Variants in HS3ST4 observed in about 807,000 individuals in gnomAD.
HS3ST4 encodes the protein heparan sulfate glucosamine 3-O-sulfotransferase 4.
In HS3ST4, 17 loss-of-function variants were observed where a neutral mutation model predicts 29.2. That is an observed-to-expected ratio of 0.58 (90% CI 0.40 to 0.87). The LOEUF is 0.87. Ranked by LOEUF, HS3ST4 falls within the 40% of genes least tolerant of loss-of-function variation. The pLI, the probability that HS3ST4 is intolerant of heterozygous loss-of-function variation, is 0.00. For synonymous variants in HS3ST4, 314 were observed against 285.7 expected (o/e 1.10, Z -1.00); for missense variants, 627 against 634.5 (o/e 0.99, Z 0.13).
chr16:26,104,102 G>GT (rs1899021429), intron 1 of HS3ST4, among the ~76,000 whole-genome samples: 1 of 152,172 alleles, frequency 6.6e-6, no homozygotes, highest in Non-Finnish European at 1.5e-5. Context: ...TAACCACTAG[G>GT]TGAGTTGCTG....
intron 1 of HS3ST4, among the ~76,000 whole-genome samples, chr16:25,897,479 C>G (rs536128820): frequency 6.6e-6 from 1 of 152,106 alleles, no homozygotes; most frequent in Non-Finnish European, 1.5e-5. Flanking sequence ...ATAAAATTGG[C>G]CCAAAGGGGC....
intron 1 of HS3ST4, among the ~76,000 whole-genome samples, chr16:26,086,947 C>G (rs1345665704): frequency 6.6e-6 from 1 of 152,184 alleles, no homozygotes; most frequent in Non-Finnish European, 1.5e-5. Context: ...GGGCTGTTGC[C>G]TTCTTTCTCT....
chr16:26,099,670 G>C (rs1898969279), intron 1 of HS3ST4, among the ~76,000 whole-genome samples: 1 of 152,124 alleles, frequency 6.6e-6, no homozygotes, highest in South Asian at 2.1e-4. Flanking sequence ...AATATGTACT[G>C]AGGGCCAAAT....
At chr16:25,977,491 A>G (rs1429166380) in intron 1 of HS3ST4, among the ~76,000 whole-genome samples, 3 of 152,224 alleles carry the variant, frequency 2.0e-5, no homozygotes. Flanking sequence ...GAAACAGTGA[A>G]TAATACAGAC....
chr16:26,098,237 T>C (rs530077177), intron 1 of HS3ST4, among the ~76,000 whole-genome samples: 5 of 152,350 alleles, frequency 3.3e-5, no homozygotes, highest in African/African-American at 1.2e-4. Flanking sequence ...TTACTCGGTA[T>C]ATACCCAAAG....
chr16:25,847,489 T>C (rs1157646070), intron 1 of HS3ST4, among the ~76,000 whole-genome samples: 2 of 152,202 alleles, frequency 1.3e-5, no homozygotes, highest in Non-Finnish European at 2.9e-5. Flanking sequence ...GTTTTGTTTG[T>C]TTTTGACTTG....
chr16:26,009,508 A>G (rs1596643196), intron 1 of HS3ST4, among the ~76,000 whole-genome samples: 1 of 152,204 alleles, frequency 6.6e-6, no homozygotes, highest in South Asian at 2.1e-4. Context: ...ATCCTCAAAT[A>G]CCAGTGACTT....
chr16:26,091,096 G>A (rs1468890989), intron 1 of HS3ST4, among the ~76,000 whole-genome samples: 4 of 152,116 alleles, frequency 2.6e-5, no homozygotes, highest in African/African-American at 9.7e-5. Flanking sequence ...GAACCACTAA[G>A]GTAGACCAAA....
chr16:25,842,901 C>G (rs1030427542), intron 1 of HS3ST4, among the ~76,000 whole-genome samples: 3 of 152,270 alleles, frequency 2.0e-5, no homozygotes, highest in Middle Eastern at 3.4e-3. Flanking sequence ...GGCAATAATA[C>G]TGGCTAACTC....
intron 1 of HS3ST4, among the ~76,000 whole-genome samples, chr16:25,950,482 T>C (rs1173899631): frequency 6.6e-6 from 1 of 152,082 alleles, no homozygotes; most frequent in Non-Finnish European, 1.5e-5. Flanking sequence ...GATGAATGGA[T>C]GGTCGGATGG....
intron 1 of HS3ST4, among the ~76,000 whole-genome samples, chr16:26,013,248 A>G (rs1051407909): frequency 6.6e-6 from 1 of 152,166 alleles, no homozygotes; most frequent in Non-Finnish European, 1.5e-5. Context: ...GTGGCAGAGT[A>G]GTTAGGGACA....
chr16:25,807,962 A>C (rs149518037), intron 1 of HS3ST4, among the ~76,000 whole-genome samples: 157 of 152,100 alleles, frequency 1.0e-3, no homozygotes, highest in African/African-American at 3.5e-3. Flanking sequence ...TGTCTTGCGT[A>C]TATTTTCTAT....
intron 1 of HS3ST4, among the ~76,000 whole-genome samples, chr16:25,762,452 G>A (rs1259756550): frequency 6.6e-6 from 1 of 152,190 alleles, no homozygotes; most frequent in Non-Finnish European, 1.5e-5. Context: ...TGGAGATGCT[G>A]TTACTTGCTA....
intron 1 of HS3ST4, among the ~76,000 whole-genome samples, chr16:26,028,518 T>C (rs1969500085): frequency 6.6e-6 from 1 of 152,184 alleles, no homozygotes; most frequent in Non-Finnish European, 1.5e-5. Flanking sequence ...TCTGAGGCGA[T>C]CCTCCTGCGT....
chr16:26,026,091 TAC>T (rs543638872), intron 1 of HS3ST4, among the ~76,000 whole-genome samples: 56 of 152,254 alleles, frequency 3.7e-4, no homozygotes, highest in African/African-American at 1.3e-3. Context: ...GTATTTTTAG[TAC>T]AGACAGGGTT....
chr16:26,119,454 C>T (rs943244237), intron 1 of HS3ST4, among the ~76,000 whole-genome samples: 1 of 152,104 alleles, frequency 6.6e-6, no homozygotes, highest in Non-Finnish European at 1.5e-5. Flanking sequence ...CTGCAGGGTG[C>T]GTAAGGAAAC....
chr16:25,923,652 G>A (rs533220744), intron 1 of HS3ST4, among the ~76,000 whole-genome samples: 1 of 152,292 alleles, frequency 6.6e-6, no homozygotes. Flanking sequence ...GTGTGAAAGA[G>A]AGTCTAGAAT....
chr16:25,842,558 A>T (rs913055654), intron 1 of HS3ST4, among the ~76,000 whole-genome samples: 3 of 152,180 alleles, frequency 2.0e-5, no homozygotes, highest in African/African-American at 7.2e-5. Context: ...CATGTTTTAG[A>T]TACCCAGTAA....
At chr16:25,954,572 C>T (rs1481684112) in intron 1 of HS3ST4, among the ~76,000 whole-genome samples, 1 of 152,138 alleles carries the variant, frequency 6.6e-6, no homozygotes, top group Non-Finnish European at 1.5e-5. Flanking sequence ...AGTTTCCCAC[C>T]TCTTAATCAC....
Sources: allele counts gnomAD v4.1 joint callset (sites outside exome capture counted in the v4.1 genomes callset), GRCh38; gene constraint gnomAD v4.1.1; transcripts MANE v1.5; gene names NCBI Gene and HGNC (gene_info 2026-07-23, HGNC 2026-07-21).